Variants in TYW1B observed in about 807,000 individuals in gnomAD.
TYW1B encodes the protein S-adenosyl-L-methionine-dependent tRNA 4-demethylwyosine synthase TYW1B.
Under a neutral mutation model 86.9 loss-of-function variants are expected in TYW1B, and 73 were observed. The ratio of observed to expected loss-of-function variants is 0.84; its 90% confidence interval spans 0.70 to 1.02. TYW1B has a LOEUF of 1.02. Among genes scored for constraint, TYW1B ranks in the 50% least tolerant of loss-of-function variants. TYW1B has a pLI of 0.00. For synonymous variants in TYW1B, 248 were observed against 292.8 expected, an observed-to-expected ratio of 0.85 and a Z score of 1.56; for missense variants, 637 against 827.4, an observed-to-expected ratio of 0.77 and a Z score of 2.82.
intron 11 of TYW1B, among the ~76,000 whole-genome samples, chr7:72,647,770 G>A (rs368223314): frequency 3.3e-5 from 5 of 151,786 alleles, no homozygotes; most frequent in East Asian, 3.9e-4. Flanking sequence ...CTGCAGCCTC[G>A]ACTTCCCAGG....
intron 11 of TYW1B, among the ~76,000 whole-genome samples, chr7:72,636,932 TTTCGGAGGC>T (rs1183787695): frequency 1.3e-5 from 2 of 152,182 alleles, no homozygotes; most frequent in East Asian, 3.8e-4. Flanking sequence ...ATCCCAGCAC[TTTCGGAGGC>T]TGAGGCAGGT....
At chr7:72,590,123 G>A (rs1309902577) in intron 13 of TYW1B, among the ~76,000 whole-genome samples, 3 of 152,162 alleles carry the variant, frequency 2.0e-5, no homozygotes, top group African/African-American at 7.2e-5. Context: ...TTTGTCTGAT[G>A]TAACTATTTT....
chr7:72,588,160 G>T (rs1261541170), intron 13 of TYW1B, among the ~76,000 whole-genome samples: 51 of 152,318 alleles, frequency 3.3e-4, no homozygotes, highest in African/African-American at 1.1e-3. Flanking sequence ...GGTAACAGTT[G>T]CCCGTGGAAC....
At chr7:72,664,066 C>A (rs1431403892) in intron 11 of TYW1B, among the ~76,000 whole-genome samples, 2 of 151,916 alleles carry the variant, frequency 1.3e-5, no homozygotes, top group Admixed American at 6.6e-5. Context: ...ACCAACAGAC[C>A]AACAACCCTC....
At chr7:72,606,701 G>A (rs1488735994) in intron 13 of TYW1B, among the ~76,000 whole-genome samples, 13 of 151,408 alleles carry the variant, frequency 8.6e-5, no homozygotes, top group Admixed American at 3.3e-4. Context: ...TGGTATAACA[G>A]GAGGCTGACG....
At chr7:72,736,189 C>T (rs1787194288) in intron 8 of TYW1B, among the ~76,000 whole-genome samples, 1 of 152,072 alleles carries the variant, frequency 6.6e-6, no homozygotes, top group African/African-American at 2.4e-5. Context: ...CTGTATTTGT[C>T]CCAATTGGCT....
chr7:72,593,202 G>A (rs1554431848), intron 13 of TYW1B, among the ~76,000 whole-genome samples: 2 of 151,662 alleles, frequency 1.3e-5, no homozygotes, highest in Non-Finnish European at 2.9e-5. Context: ...TGAGGCAGGA[G>A]AAATTGCTTG....
intron 11 of TYW1B, among the ~76,000 whole-genome samples, chr7:72,632,408 TATACATATATATATA>T (rs1812544621): frequency 8.8e-6 from 1 of 113,728 alleles, no homozygotes; most frequent in Non-Finnish European, 1.7e-5. Context: ...ATAATATATA[TATACATATATATATA>T]AAATATATAT....
intron 6 of TYW1B, among the ~76,000 whole-genome samples, chr7:72,782,062 C>A (rs2129572112): frequency 6.6e-6 from 1 of 152,174 alleles, no homozygotes; most frequent in Admixed American, 6.6e-5. Context: ...GGCAGGAAGA[C>A]TGGTTGAGCC....
chr7:72,697,264 G>A (rs1179521681), intron 10 of TYW1B, among the ~76,000 whole-genome samples: 1 of 151,994 alleles, frequency 6.6e-6, no homozygotes, highest in Non-Finnish European at 1.5e-5. Flanking sequence ...CCTGGACACT[G>A]ATACTACTAC....
At chr7:72,797,422 G>T (rs1788323485) in intron 6 of TYW1B, among the ~76,000 whole-genome samples, 1 of 152,182 alleles carries the variant, frequency 6.6e-6, no homozygotes, top group South Asian at 2.1e-4. Flanking sequence ...ACAGGACACA[G>T]AAGCTCTGTG....
chr7:72,637,686 C>CTT (rs200455914), intron 11 of TYW1B, among the ~76,000 whole-genome samples: 97 of 142,970 alleles, frequency 6.8e-4, no homozygotes, highest in African/African-American at 2.5e-3. Context: ...CTGCTCTTTT[C>CTT]TTTTTAAAAA....
chr7:72,733,120 C>T (rs2960994), intron 8 of TYW1B, among the ~76,000 whole-genome samples: 6 of 151,452 alleles, frequency 4.0e-5, no homozygotes, highest in Admixed American at 6.6e-5. Context: ...GAAAAGTACA[C>T]GGCCAGATGG....
chr7:72,819,703 G>A (rs544200137), intron 2 of TYW1B, among the ~76,000 whole-genome samples: 1 of 152,308 alleles, frequency 6.6e-6, no homozygotes, highest in East Asian at 1.9e-4. Flanking sequence ...AAAGTGCTGG[G>A]ATTATAGGCG....
chr7:72,602,152 G>C (rs1435902278), intron 13 of TYW1B, among the ~76,000 whole-genome samples: 1 of 152,192 alleles, frequency 6.6e-6, no homozygotes, highest in Non-Finnish European at 1.5e-5. Context: ...AGGGCATAGA[G>C]GGGGAAAGAC....
intron 8 of TYW1B, among the ~76,000 whole-genome samples, chr7:72,742,473 G>A (rs6460030): frequency 0.69 from 104,904 of 151,952 alleles, 37,180 homozygotes; most frequent in Non-Finnish European, 0.77. Context: ...TCTTGATGAC[G>A]TAAAAGACAA....
chr7:72,696,364 T>C (rs1401891388), intron 10 of TYW1B, among the ~76,000 whole-genome samples: 1 of 152,192 alleles, frequency 6.6e-6, no homozygotes, highest in African/African-American at 2.4e-5. Flanking sequence ...CATCTTCTGA[T>C]CAAATTCTCC....
intron 7 of TYW1B, among the ~76,000 whole-genome samples, chr7:72,753,600 C>A (rs578123573): frequency 1.3e-5 from 2 of 151,726 alleles, no homozygotes; most frequent in Admixed American, 6.6e-5. Context: ...CCTGCTTCAG[C>A]CTCCAGAGTA....
At chr7:72,803,154 T>C (rs1788432054) in intron 5 of TYW1B, among the ~76,000 whole-genome samples, 1 of 152,044 alleles carries the variant, frequency 6.6e-6, no homozygotes, top group East Asian at 1.9e-4. Context: ...GGAGTGTCAC[T>C]TGAAGCCAGG....
Sources: gnomAD v4.1 joint callset for allele counts (sites outside exome capture counted in the v4.1 genomes callset) on GRCh38, gnomAD v4.1.1 for gene constraint, MANE v1.5 for transcripts, NCBI Gene and HGNC (gene_info 2026-07-23, HGNC 2026-07-21) for gene names.